The following NGEF variants were observed in gnomAD, a reference collection of about 807,000 sequenced individuals.
NGEF encodes ephexin-1.
In NGEF, 31 loss-of-function variants were observed where a neutral mutation model predicts 80.9. The ratio of observed to expected loss-of-function variants is 0.38; its 90% confidence interval spans 0.29 to 0.52. The LOEUF is 0.52. Among genes scored for constraint, NGEF ranks in the 20% least tolerant of loss-of-function variants. The pLI, the probability that NGEF is intolerant of heterozygous loss-of-function variation, is 0.84. For synonymous variants in NGEF, 371 were observed against 370.2 expected (o/e 1.00, Z -0.03); for missense variants, 709 against 926.2 (o/e 0.77, Z 3.04).
intron 3 of NGEF, among the ~76,000 whole-genome samples, chr2:232,931,990 C>T (rs189441508): frequency 1.3e-5 from 2 of 152,106 alleles, no homozygotes; most frequent in African/African-American, 4.8e-5. Flanking sequence ...CTCCAGTGTC[C>T]AGTGACATGC....
chr2:232,968,105 T>TTTTTTTTTTTTA (rs1694102814), intron 3 of NGEF, among the ~76,000 whole-genome samples: 1 of 151,072 alleles, frequency 6.6e-6, no homozygotes, highest in Non-Finnish European at 1.5e-5. Flanking sequence ...TTTTTTTTTT[T>TTTTTTTTTTTTA]GAGACAAAGT....
At chr2:232,990,156 A>G (rs1694622751) in intron 1 of NGEF, among the ~76,000 whole-genome samples, 1 of 152,172 alleles carries the variant, frequency 6.6e-6, no homozygotes, top group Non-Finnish European at 1.5e-5. Flanking sequence ...ATACCTAGAA[A>G]ACTCCAAAGA....
intron 5 of NGEF, among the ~76,000 whole-genome samples, chr2:232,905,142 C>G (rs1185486133): frequency 2.0e-5 from 3 of 152,200 alleles, no homozygotes; most frequent in Non-Finnish European, 4.4e-5. Flanking sequence ...CGGTCTCCCT[C>G]TCATGCCGAG....
chr2:232,910,560 C>A (rs540093902), intron 5 of NGEF, among the ~76,000 whole-genome samples: 1 of 152,264 alleles, frequency 6.6e-6, no homozygotes, highest in East Asian at 1.9e-4. Flanking sequence ...AAGTCAACAG[C>A]GCCACTGATG....
intron 1 of NGEF, among the ~76,000 whole-genome samples, chr2:232,990,983 G>T (rs1191974859): frequency 6.6e-6 from 1 of 151,976 alleles, no homozygotes; most frequent in Non-Finnish European, 1.5e-5. Flanking sequence ...ACAAAAACAT[G>T]ATCATCTTAT....
chr2:232,928,021 GCGGGGGCCGGGT>G, intron 3 of NGEF: 2 of 1,205,382 alleles, frequency 1.7e-6, no homozygotes, highest in Non-Finnish European at 2.1e-6. Flanking sequence ...CGGGGCGGGT[GCGGGGGCCGGGT>G]CGGGGGCCAC....
chr2:232,948,211 CAG>C (rs1404972723), intron 3 of NGEF, among the ~76,000 whole-genome samples: 2 of 146,870 alleles, frequency 1.4e-5, no homozygotes, highest in African/African-American at 5.1e-5. Flanking sequence ...TTTTTTGAGA[CAG>C]AGTCTCACTC....
chr2:232,997,120 G>C (rs1574661796), intron 1 of NGEF, among the ~76,000 whole-genome samples: 1 of 149,986 alleles, frequency 6.7e-6, no homozygotes, highest in South Asian at 2.2e-4. Context: ...CCGTGTGGCA[G>C]TGGTTCTCAC....
chr2:232,887,657 A>G (rs990631168), intron 9 of NGEF, among the ~76,000 whole-genome samples: 2 of 152,192 alleles, frequency 1.3e-5, no homozygotes, highest in African/African-American at 2.4e-5. Flanking sequence ...TGGGCCCCAG[A>G]TGCCTGCAAA....
chr2:232,923,479 T>C (rs1430501088), intron 4 of NGEF, among the ~76,000 whole-genome samples: 3 of 152,148 alleles, frequency 2.0e-5, no homozygotes, highest in Non-Finnish European at 2.9e-5. Context: ...CTCACGCCTG[T>C]AATCCCAGCA....
intron 1 of NGEF, among the ~76,000 whole-genome samples, chr2:232,984,353 A>G (rs1427205050): frequency 1.3e-5 from 2 of 152,040 alleles, no homozygotes; most frequent in African/African-American, 4.8e-5. Context: ...CAGCCTCCCA[A>G]AGTGCTGGAA....
intron 5 of NGEF, chr2:232,901,445 T>G: frequency 1.0e-6 from 1 of 985,424 alleles, no homozygotes; most frequent in African/African-American, 1.7e-5. Flanking sequence ...TTTTTTGGCT[T>G]CTCCCGACCC....
At chr2:232,988,610 C>T (rs1223612807) in intron 1 of NGEF, among the ~76,000 whole-genome samples, 6 of 152,148 alleles carry the variant, frequency 3.9e-5, no homozygotes, top group East Asian at 1.9e-4. Context: ...CAGCCATCTC[C>T]GCTGCAGGAA....
In NGEF at chr2:232,894,923, C is replaced by A; in HGVS notation, c.829-7G>T. On this transcript the variant is annotated splice_region_variant and splice_polypyrimidine_tract_variant and intron_variant, in intron 5 of 14. Transcript: ENST00000264051. ...TGACCAGCTCGAACATGGCCTGTAG[C>A]AGGGAGACCCCATGGTTACCGCCTG... 6.4e-7 allele frequency: 1 copy of A among 1,568,194 alleles called. No homozygotes were observed. Among genetic ancestry groups the A allele is most frequent in the South Asian group, 1.1e-5 (1 of 88,140 alleles).
At chr2:232,921,640 T>C (rs1424092987) in intron 4 of NGEF, among the ~76,000 whole-genome samples, 1 of 151,560 alleles carries the variant, frequency 6.6e-6, no homozygotes, top group Non-Finnish European at 1.5e-5. Flanking sequence ...TTTTTTTTTT[T>C]TTGTAGAGAT....
intron 6 of NGEF, among the ~76,000 whole-genome samples, chr2:232,893,607 C>G (rs904124996): frequency 6.6e-6 from 1 of 152,072 alleles, no homozygotes; most frequent in Non-Finnish European, 1.5e-5. Context: ...AACCCTGTCT[C>G]TACTAAAAAT....
At chr2:232,963,156 A>C (rs976002901) in intron 3 of NGEF, among the ~76,000 whole-genome samples, 2 of 152,016 alleles carry the variant, frequency 1.3e-5, no homozygotes, top group African/African-American at 4.8e-5. Flanking sequence ...TTAAGCATAA[A>C]GCAACAGTAT....
At chr2:233,007,647 C>T (rs904834202) in intron 1 of NGEF, among the ~76,000 whole-genome samples, 2 of 152,184 alleles carry the variant, frequency 1.3e-5, no homozygotes, top group Non-Finnish European at 2.9e-5. Context: ...CACAAATTAG[C>T]TATAATAATG....
chr2:232,983,331 G>A (rs1192863360), intron 1 of NGEF, among the ~76,000 whole-genome samples: 1 of 152,128 alleles, frequency 6.6e-6, no homozygotes, highest in Non-Finnish European at 1.5e-5. Context: ...GAGGTAGAGA[G>A]GAGGGTCCCC....
Sources: allele counts gnomAD v4.1 joint callset (sites outside exome capture counted in the v4.1 genomes callset), GRCh38; gene constraint gnomAD v4.1.1; transcripts MANE v1.5; gene names NCBI Gene and HGNC (gene_info 2026-07-23, HGNC 2026-07-21).